The following MYO5C variants were observed in gnomAD, a reference collection of about 807,000 sequenced individuals.
The protein encoded by MYO5C is myosin VC.
MYO5C carries 194 observed loss-of-function variants against 235.7 expected under a neutral mutation model. That is an observed-to-expected ratio of 0.82 (90% CI 0.73 to 0.93). The LOEUF is 0.93. Ranked by LOEUF, MYO5C falls within the 40% of genes least tolerant of loss-of-function variation. The pLI, the probability that MYO5C is intolerant of heterozygous loss-of-function variation, is 0.00. For synonymous variants in MYO5C, 707 were observed against 754.8 expected (o/e 0.94, Z 1.04); for missense variants, 2,038 against 2,127.2 (o/e 0.96, Z 0.82).
chr15:52,271,411 TAG>T (rs1448573966), intron 7 of MYO5C, among the ~76,000 whole-genome samples: 1 of 152,136 alleles, frequency 6.6e-6, no homozygotes, highest in Non-Finnish European at 1.5e-5. Flanking sequence ...GTATTTTTAG[TAG>T]AGACAGGGTT....
rs2036292279 is a variant in MYO5C at position 52,244,348 on chromosome 15, C to CA, written c.2390+7dup. ...CAGTTCCACATGTGTTCCTTGATTC[C>CA]AACATACCTCACAGTTTGCTGACCC... On this transcript the variant is annotated splice_region_variant and intron_variant, in intron 19 of 40. Transcript: ENST00000261839. 3 of 1,610,926 alleles carry CA rather than the reference C, an allele frequency of 1.9e-6. No individual in the cohort carries two copies. Among genetic ancestry groups the CA allele is most frequent in the Non-Finnish European group, 2.5e-6 (3 of 1,178,496 alleles).
At chr15:52,270,603 C>T (rs537099772) in intron 7 of MYO5C, among the ~76,000 whole-genome samples, 7 of 150,730 alleles carry the variant, frequency 4.6e-5, no homozygotes, top group South Asian at 4.2e-4. Context: ...TATATACACA[C>T]ACATTTATAT....
chr15:52,256,591 G>GCGCGCGCT (rs773963470), intron 11 of MYO5C, 48 bp downstream of exon 11: 1 of 1,089,190 alleles, frequency 9.2e-7, no homozygotes. Flanking sequence ...ACACACACGC[G>GCGCGCGCT]CGCGCGCGCG....
At chr15:52,291,437 C>G (rs997371299) in intron 1 of MYO5C, among the ~76,000 whole-genome samples, 8 of 152,176 alleles carry the variant, frequency 5.3e-5, no homozygotes, top group Non-Finnish European at 1.0e-4. Flanking sequence ...CCACTGTGGC[C>G]TCAGGCCCTC....
Position 52,242,278 on chromosome 15 carries a change from G to A in MYO5C, c.2391-65C>T, listed in dbSNP as rs149126618. 8 of 1,504,512 alleles carry A rather than the reference G, an allele frequency of 5.3e-6. No homozygotes were observed. In the East Asian group the frequency reaches 1.8e-4, roughly 34 times the overall value. The allele number at this position is 1,504,512 out of a possible 1,614,324, so 93.2% of individuals were successfully genotyped here. On this transcript the variant is annotated intron_variant, in intron 19 of 40. Coordinates refer to ENST00000261839, the MANE Select transcript of MYO5C (RefSeq NM_018728.4). ...GAGCATCAACTTCCATAACAGAGCT[G>A]CAAGCTTGGCTAGCATGTGTTTATA...
intron 33 of MYO5C, among the ~76,000 whole-genome samples, chr15:52,214,039 G>A (rs2035504078): frequency 6.6e-6 from 1 of 152,226 alleles, no homozygotes. Context: ...GTAAGGCTGG[G>A]AGGAAGGGGA....
intron 10 of MYO5C, among the ~76,000 whole-genome samples, chr15:52,259,810 C>G (rs1423566910): frequency 6.6e-6 from 1 of 152,276 alleles, no homozygotes; most frequent in African/African-American, 2.4e-5. Flanking sequence ...GCCTCTCCAC[C>G]TGGGTGCAAG....
At chr15:52,217,630 A>G (rs1322688240) in intron 32 of MYO5C, among the ~76,000 whole-genome samples, 2 of 152,202 alleles carry the variant, frequency 1.3e-5, no homozygotes, top group African/African-American at 2.4e-5. Context: ...GGTGTCACTG[A>G]TTGGAATTTG....
At position 52,242,401 on chromosome 15, in the gene MYO5C, G is replaced by A; in HGVS notation, c.2391-188C>T. 8.5e-6 allele frequency: 5 copies of A among 585,362 alleles called. No homozygotes were observed. In the South Asian group the frequency reaches 9.0e-5, roughly 11 times the overall value. 36.3% of individuals were successfully genotyped at this position (585,362 alleles called of 1,614,324 possible). A position where few individuals can be genotyped will look rare whatever the true frequency, so the allele number is the denominator to read the frequency against. ...CCAGTCCCCAGTTCCCTGTCCTTGA[G>A]GAACCACATGGGAACTTTCACTCTT... is the stretch of plus-strand genomic sequence containing the variant. On this transcript the variant is annotated intron_variant, in intron 19 of 40. Coordinates refer to ENST00000261839, the MANE Select transcript of MYO5C (RefSeq NM_018728.4).
intron 8 of MYO5C, 98 bp from the exon 9 acceptor site, chr15:52,264,394 T>C (rs761383542): frequency 1.4e-5 from 13 of 942,098 alleles, no homozygotes; most frequent in Non-Finnish European, 2.1e-5. Flanking sequence ...GTAGCATCAG[T>C]GCCAAGCTCT....
At chr15:52,265,206 G>A (rs557384759) in intron 8 of MYO5C, 24 of 152,378 alleles carry the variant, frequency 1.6e-4, no homozygotes, top group African/African-American at 5.5e-4. Context: ...CACCGTGAGG[G>A]GATTAGCACA....
intron 19 of MYO5C, among the ~76,000 whole-genome samples, chr15:52,244,054 C>T (rs1011469286): frequency 1.3e-5 from 2 of 152,182 alleles, no homozygotes; most frequent in Non-Finnish European, 2.9e-5. Context: ...GAAAGGGGCC[C>T]CGGGCCTCTC....
At chr15:52,216,299 C>T (rs895936840) in intron 32 of MYO5C, among the ~76,000 whole-genome samples, 1 of 152,168 alleles carries the variant, frequency 6.6e-6, no homozygotes, top group Non-Finnish European at 1.5e-5. Flanking sequence ...ACTGCAGCCT[C>T]AATCTCCTGG....
chr15:52,219,462 A>G (rs2035628814), intron 31 of MYO5C, among the ~76,000 whole-genome samples: 1 of 152,240 alleles, frequency 6.6e-6, no homozygotes, highest in Non-Finnish European at 1.5e-5. Context: ...AAGTGTACGC[A>G]TACAGTGAAA....
At chr15:52,237,929 A>ACCC (rs375594763) in intron 21 of MYO5C, among the ~76,000 whole-genome samples, 3 of 150,640 alleles carry the variant, frequency 2.0e-5, no homozygotes, top group Non-Finnish European at 4.4e-5. Flanking sequence ...GCCCCCCGCC[A>ACCC]AAATTCATTT....
Position 52,213,107 on chromosome 15 carries a change from C to T in MYO5C, c.4141+81G>A, listed in dbSNP as rs2035482146. ...GGAAGAAAAAGTAGAAAAAGGACCA[C>T]CCCTGCCCAGGACTTTGGCACTGAC... On this transcript the variant is annotated intron_variant, in intron 34 of 40. Transcript: ENST00000261839. 4 of 1,046,370 alleles carry T rather than the reference C, an allele frequency of 3.8e-6. No homozygotes were observed. The South Asian group carries it at 5.2e-5, about 14-fold the overall frequency. The allele number at this position is 1,046,370 out of a possible 1,614,324, so 64.8% of individuals were successfully genotyped here.
intron 8 of MYO5C, among the ~76,000 whole-genome samples, chr15:52,269,467 A>T (rs1222725270): frequency 7.5e-6 from 1 of 133,480 alleles, no homozygotes; most frequent in African/African-American, 2.9e-5. Flanking sequence ...TCTCGGCTCG[A>T]TGCAACCCTC....
At chr15:52,295,242 G>A (rs1243387611) in intron 1 of MYO5C, among the ~76,000 whole-genome samples, 1 of 152,188 alleles carries the variant, frequency 6.6e-6, no homozygotes, top group Non-Finnish European at 1.5e-5. Flanking sequence ...TCCAGTCCCG[G>A]GAGATGGGGA....
rs1314194035 is a variant in MYO5C, at chr15:52,194,391, T to C, written c.5077-337A>G. 2.6e-5 allele frequency among the ~76,000 whole-genome samples: 4 copies of C among 152,242 alleles called. No homozygotes were observed. The East Asian group carries it at 5.8e-4, about 22-fold the overall frequency. On this transcript the variant is annotated intron_variant, in intron 40 of 40. Transcript: ENST00000261839. ...GTAGATTTCAAGTATTACATTTTTATTGAACCCATCTTTCTTCTTCATTCA... is the reference window on the plus strand; with the variant it reads ...GTAGATTTCAAGTATTACATTTTTACTGAACCCATCTTTCTTCTTCATTCA...
Sources: gnomAD v4.1 joint callset for allele counts (sites outside exome capture counted in the v4.1 genomes callset) on GRCh38, gnomAD v4.1.1 for gene constraint, MANE v1.5 for transcripts, NCBI Gene and HGNC (gene_info 2026-07-23, HGNC 2026-07-21) for gene names.